WIPF1: variants seen among roughly 807,000 people sequenced by gnomAD.
WIPF1 encodes WAS/WASL interacting protein family member 1, also known as WAS/WASL-interacting protein family member 1.
A neutral mutation model predicts 35.4 loss-of-function variants in WIPF1; 13 were observed. The observed-to-expected ratio is 0.37, with a 90% confidence interval of 0.24 to 0.58. The LOEUF (loss-of-function observed/expected upper bound fraction) is 0.58. Among genes scored for constraint, WIPF1 ranks in the 20% least tolerant of loss-of-function variants. WIPF1 has a pLI of 0.74. For synonymous variants in WIPF1, 267 were observed against 266.3 expected, an observed-to-expected ratio of 1.00 and a Z score of -0.02; for missense variants, 591 against 667.0, an observed-to-expected ratio of 0.89 and a Z score of 1.25.
rs150669239 is a variant in WIPF1, at chr2:174,624,119, G to C, written c.-38-38508C>G. On this transcript the variant is annotated intron_variant, in intron 1 of 8. Transcript: ENST00000272746. ...CACAGCTGCAAAAGGCAAGTGTTTG[G>C]CACTAATAAATCAGAATTAGTGGAG... 3.7e-3 allele frequency among the ~76,000 whole-genome samples: 570 copies of C among 152,300 alleles called. 4 individuals are homozygous for C. Among genetic ancestry groups the C allele is most frequent in the African/African-American group, 0.013 (540 of 41,562 alleles).
rs1318249442 is a variant in WIPF1, at chr2:174,575,383, G to A, written c.182-3C>T. 1.2e-6 allele frequency: 2 copies of A among 1,604,852 alleles called. No individual in the cohort carries two copies. Among genetic ancestry groups the A allele is most frequent in the Non-Finnish European group, 1.7e-6 (2 of 1,174,988 alleles). ...TCCAGCACCAGCTCCTTTAGGTTCT[G>A]TAGAAGAAGAGACACCCGACAGACT... On this transcript the variant is annotated splice_polypyrimidine_tract_variant and splice_region_variant and intron_variant, in intron 3 of 7. Transcript: ENST00000679041.
chr2:174,608,259 G>A (rs528350568), intron 1 of WIPF1, among the ~76,000 whole-genome samples: 171 of 152,116 alleles, frequency 1.1e-3, no homozygotes, highest in Non-Finnish European at 2.2e-3. Flanking sequence ...GTCCCATAAC[G>A]GCTTCACGTA....
intron 1 of WIPF1, among the ~76,000 whole-genome samples, chr2:174,588,764 A>T (rs974748421): frequency 6.6e-6 from 1 of 152,198 alleles, no homozygotes; most frequent in Non-Finnish European, 1.5e-5. Flanking sequence ...TGAGGTATTG[A>T]AAGAAGTGCT....
At chr2:174,677,587 C>T (rs887129484) in intron 1 of WIPF1, among the ~76,000 whole-genome samples, 2 of 152,204 alleles carry the variant, frequency 1.3e-5, no homozygotes, top group African/African-American at 2.4e-5. Context: ...GTTCTTACAA[C>T]GTGAACCATG....
At chr2:174,674,551 G>C (rs1688089331) in intron 1 of WIPF1, among the ~76,000 whole-genome samples, 1 of 152,126 alleles carries the variant, frequency 6.6e-6, no homozygotes, top group South Asian at 2.1e-4. Context: ...AGCTCTGTAA[G>C]TCCAGCCATG....
At chr2:174,619,697 C>T (rs557857877) in intron 1 of WIPF1, among the ~76,000 whole-genome samples, 2 of 152,290 alleles carry the variant, frequency 1.3e-5, no homozygotes, top group Middle Eastern at 3.4e-3. Flanking sequence ...AATCCCAGCA[C>T]TTTGGGAGGC....
chr2:174,566,736 A>C (rs1227842717), intron 7 of WIPF1: 1 of 211,458 alleles, frequency 4.7e-6, no homozygotes, highest in Non-Finnish European at 9.4e-6. Flanking sequence ...GCCAATTTCA[A>C]AACTAGAAGG....
chr2:174,616,126 G>A (rs1686499629), intron 1 of WIPF1, among the ~76,000 whole-genome samples: 2 of 152,056 alleles, frequency 1.3e-5, no homozygotes, highest in Admixed American at 6.6e-5. Flanking sequence ...AGTTCAAAAA[G>A]CATCTGTATA....
At chr2:174,600,569 C>T (rs1018104636), upstream of WIPF1, among the ~76,000 whole-genome samples, 2 of 152,238 alleles carry the variant, frequency 1.3e-5, no homozygotes, top group South Asian at 2.1e-4. Flanking sequence ...CTGGTACTCA[C>T]GCCTGGTACA....
upstream of WIPF1, among the ~76,000 whole-genome samples, chr2:174,602,384 A>G (rs143845512): frequency 2.5e-4 from 38 of 152,302 alleles, no homozygotes; most frequent in African/African-American, 8.7e-4. Context: ...AGTTTTAAAT[A>G]ATTCTGGTTT....
intron 1 of WIPF1, among the ~76,000 whole-genome samples, chr2:174,589,617 T>G (rs1437238094): frequency 6.8e-6 from 1 of 146,620 alleles, no homozygotes; most frequent in African/African-American, 2.5e-5. Context: ...ATTCAAGGGT[T>G]CATGAACTTG....
intron 1 of WIPF1, chr2:174,665,306 A>G (rs1475949523): frequency 6.6e-6 from 1 of 152,216 alleles, no homozygotes; most frequent in African/African-American, 2.4e-5. Flanking sequence ...GTGTCTGGAC[A>G]ATGCATCACA....
At chr2:174,681,687 G>A (rs547878442) in intron 1 of WIPF1, among the ~76,000 whole-genome samples, 1 of 152,158 alleles carries the variant, frequency 6.6e-6, no homozygotes, top group African/African-American at 2.4e-5. Flanking sequence ...TGGGGGAATG[G>A]GAGTGGGGTG....
Position 174,561,263 on chromosome 2 carries a change from T to G in WIPF1, c.*1284A>C, listed in dbSNP as rs1359373820. 1.3e-5 allele frequency: 2 copies of G among 152,640 alleles called. No individual in the cohort carries two copies. Among genetic ancestry groups the G allele is most frequent in the Non-Finnish European group, 2.9e-5 (2 of 68,046 alleles). The allele number at this position is 152,640 out of a possible 1,614,324, so 9.5% of individuals were successfully genotyped here. A position where few individuals can be genotyped will look rare whatever the true frequency, so the allele number is the denominator to read the frequency against. Reference sequence around the variant, plus strand: ...TACATAAGCATCAGATTTAGATTTTTAGAGTTTTGCCCACCAACTCAAATC... The same window carrying G: ...TACATAAGCATCAGATTTAGATTTTGAGAGTTTTGCCCACCAACTCAAATC... On this transcript the variant is annotated 3_prime_UTR_variant, in exon 8 of 8. Transcript: ENST00000679041.
intron 1 of WIPF1, among the ~76,000 whole-genome samples, chr2:174,625,031 G>A (rs1005927415): frequency 1.3e-4 from 20 of 152,148 alleles, no homozygotes; most frequent in Admixed American, 2.6e-4. Context: ...CACTTCCAAG[G>A]CTTGCAGAAC....
At chr2:174,643,079 T>C (rs1007831302) in intron 1 of WIPF1, among the ~76,000 whole-genome samples, 1 of 149,138 alleles carries the variant, frequency 6.7e-6, no homozygotes, top group Non-Finnish European at 1.5e-5. Context: ...TAGATGGAGG[T>C]GGGGGAAGGA....
chr2:174,593,153 G>C (rs775594977), intron 1 of WIPF1, among the ~76,000 whole-genome samples: 1 of 151,890 alleles, frequency 6.6e-6, no homozygotes, highest in African/African-American at 2.4e-5. Flanking sequence ...AGGGTTGGGG[G>C]TAATAACCAG....
At chr2:174,593,220 C>A (rs1685681422) in intron 1 of WIPF1, among the ~76,000 whole-genome samples, 1 of 151,532 alleles carries the variant, frequency 6.6e-6, no homozygotes, top group South Asian at 2.1e-4. Context: ...ACATGTACAT[C>A]TCTCTCTCTC....
chr2:174,584,850 C>T (rs1344788938), intron 2 of WIPF1, among the ~76,000 whole-genome samples: 7 of 149,466 alleles, frequency 4.7e-5, no homozygotes, highest in East Asian at 2.0e-4. Flanking sequence ...GTGGAAGTTG[C>T]GGTGAGCTGA....
Sources: allele counts gnomAD v4.1 joint callset (sites outside exome capture counted in the v4.1 genomes callset), GRCh38; gene constraint gnomAD v4.1.1; transcripts MANE v1.5; gene names NCBI Gene and HGNC (gene_info 2026-07-23, HGNC 2026-07-21).